The following ULBP2 variants were observed in gnomAD, a reference collection of about 807,000 sequenced individuals.
ULBP2 encodes UL16 binding protein 2, also known as UL16-binding protein 2.
Under a neutral mutation model 23.6 loss-of-function variants are expected in ULBP2, and 21 were observed. The ratio of observed to expected loss-of-function variants is 0.89; its 90% confidence interval spans 0.63 to 1.28. The LOEUF (loss-of-function observed/expected upper bound fraction) is 1.28. Among genes scored for constraint, ULBP2 ranks in the 50% most tolerant of loss-of-function variants. ULBP2 has a pLI of 0.00. For synonymous variants in ULBP2, 82 were observed against 112.8 expected (o/e 0.73, Z 1.73); for missense variants, 251 against 306.0 (o/e 0.82, Z 1.34).
intron 1 of ULBP2, among the ~76,000 whole-genome samples, chr6:149,943,078 C>T (rs2114681160): frequency 6.6e-6 from 1 of 152,210 alleles, no homozygotes; most frequent in Non-Finnish European, 1.5e-5. Context: ...GGAAGGATGC[C>T]CTGTGATCTT....
At chr6:149,942,221 G>C in intron 1 of ULBP2, 64 bp downstream of exon 1, 1 of 1,532,828 alleles carries the variant, frequency 6.5e-7, no homozygotes, top group South Asian at 1.2e-5. Context: ...GAACTGCCGC[G>C]GGTTTCAGAG....
At chr6:149,944,412 G>A (rs1316127961) in intron 1 of ULBP2, among the ~76,000 whole-genome samples, 1 of 148,752 alleles carries the variant, frequency 6.7e-6, no homozygotes, top group Non-Finnish European at 1.5e-5. Context: ...CACCCTCCTT[G>A]CTCCTGACAG....
rs1778942915 is a variant in ULBP2 at position 149,946,466 on chromosome 6, C to T, written c.444C>T (p.Phe148=). The change falls in exon 3 of 5, where the codon TTC becomes TTT. Residue 148 remains phenylalanine, a synonymous_variant. Transcript: ENST00000367351. ...SWQFSFDGQI[F]LLFDSEKRMW... ...AGTTCAGTTTCGATGGGCAGATCTT[C>T]CTCCTCTTTGACTCAGAGAAGAGAA... 1 of 1,614,168 alleles carries T rather than the reference C, an allele frequency of 6.2e-7. No individual in the cohort carries two copies.
At chr6:149,948,624 C>T (rs1482454401) in intron 4 of ULBP2, 99 bp from the exon 5 acceptor site, 1 of 455,532 alleles carries the variant, frequency 2.2e-6, no homozygotes, top group Non-Finnish European at 4.4e-6. Flanking sequence ...TCCCTTAGTG[C>T]AGGGGGCTCT....
Position 149,942,175 on chromosome 6 carries a change from G to A in ULBP2, c.85+18G>A. 3 of 1,610,994 alleles carry A rather than the reference G, an allele frequency of 1.9e-6. No homozygotes were observed. The highest frequency in any genetic ancestry group is 3.4e-5 in the Admixed American group (2 of 59,698). The stretch of plus-strand genomic sequence containing the variant: ...GCGAGCCGGTGAGTTCGTGGATGGA[G>A]CCTAAGCCGGGCGGGGACCAAGCCT... On this transcript the variant is annotated intron_variant, in intron 1 of 4. Transcript: ENST00000367351.
intron 1 of ULBP2, among the ~76,000 whole-genome samples, chr6:149,943,372 G>A (rs1778891973): frequency 6.6e-6 from 1 of 152,066 alleles, no homozygotes; most frequent in Non-Finnish European, 1.5e-5. Context: ...CATAGTTGGG[G>A]GCTTATTCTC....
At position 149,942,041 on chromosome 6, in the gene ULBP2, A is replaced by G. The variant is rs1012436744; in HGVS notation, c.-32A>G. Reference sequence around the variant, plus strand: ...TCATCTTCCAGGCTCTCCTTCCATCAAGTCTCTCATCCCTAGCGCTCTGGG... The same window carrying G: ...TCATCTTCCAGGCTCTCCTTCCATCGAGTCTCTCATCCCTAGCGCTCTGGG... On this transcript the variant is annotated 5_prime_UTR_variant, in exon 1 of 5. Coordinates refer to ENST00000367351, the MANE Select transcript of ULBP2 (RefSeq NM_025217.4). 2 of 1,604,866 alleles carry G rather than the reference A, an allele frequency of 1.2e-6. No individual in the cohort carries two copies. The highest frequency in any genetic ancestry group is 1.7e-6 in the Non-Finnish European group (2 of 1,175,346).
In ULBP2 at chr6:149,945,356, C is replaced by G. The variant is rs146890769; in HGVS notation, c.133C>G (p.Pro45Ala). 1 of 1,612,294 alleles carries G rather than the reference C, an allele frequency of 6.2e-7. No homozygotes were observed. The highest frequency in any genetic ancestry group is 2.2e-5 in the East Asian group (1 of 44,844). The change falls in exon 2 of 5, where the codon CCT becomes GCT. Residue 45 changes from proline to alanine, a missense_variant. By Grantham distance (27) the Pro-to-Ala change is conservative (BLOSUM62 -1). Around this residue, in one of 2 missense-constraint regions of ULBP2, gnomAD observed 248 missense variants for 258.9 expected, o/e 0.96. Transcript: ENST00000367351. ...CATCACCGTCATCCCTAAGTTCAGA[C>G]CTGGACCACGGTGGTGTGCGGTTCA... ...YDITVIPKFR[P>A]GPRWCAVQGQ...
chr6:149,942,593 C>A (rs568258048), intron 1 of ULBP2, among the ~76,000 whole-genome samples: 3 of 152,264 alleles, frequency 2.0e-5, no homozygotes, highest in South Asian at 2.1e-4. Flanking sequence ...ACCCGCTCTC[C>A]ACCACACAAA....
At chr6:149,945,111 C>T (rs1174608059) in intron 1 of ULBP2, among the ~76,000 whole-genome samples, 198 bp from the exon 2 acceptor site, 1 of 148,696 alleles carries the variant, frequency 6.7e-6, no homozygotes, top group East Asian at 2.1e-4. Context: ...ACAGAGACTT[C>T]CTCCTCCTCC....
chr6:149,942,260 G>A (rs1778874644), intron 1 of ULBP2, 103 bp downstream of exon 1: 1 of 1,266,726 alleles, frequency 7.9e-7, no homozygotes, highest in Non-Finnish European at 1.1e-6. Flanking sequence ...GGACGGGGGA[G>A]ATCTCCCCTA....
chr6:149,944,226 G>A (rs1353901023), intron 1 of ULBP2, among the ~76,000 whole-genome samples: 2 of 152,000 alleles, frequency 1.3e-5, no homozygotes, highest in Non-Finnish European at 2.9e-5. Context: ...GCTACTTTCA[G>A]CCTCCTGATT....
At chr6:149,946,158 G>A (rs1466671260) in intron 2 of ULBP2, among the ~76,000 whole-genome samples, 5 of 150,400 alleles carry the variant, frequency 3.3e-5, no homozygotes, top group African/African-American at 7.4e-5. Context: ...AGCCGAGATC[G>A]CGCCACTGCA....
intron 4 of ULBP2, among the ~76,000 whole-genome samples, chr6:149,948,213 C>A (rs1231041847): frequency 1.3e-5 from 2 of 151,990 alleles, no homozygotes; most frequent in Non-Finnish European, 2.9e-5. Context: ...TGCTGGGGTT[C>A]CACAGGCACC....
chr6:149,942,705 C>T (rs1778881940), intron 1 of ULBP2, among the ~76,000 whole-genome samples: 1 of 152,148 alleles, frequency 6.6e-6, no homozygotes, highest in African/African-American at 2.4e-5. Context: ...CGCCACCCCT[C>T]CCCTCACCAT....
intron 3 of ULBP2, 141 bp downstream of exon 3, chr6:149,946,794 G>A: frequency 7.0e-7 from 1 of 1,425,926 alleles, no homozygotes; most frequent in Non-Finnish European, 9.5e-7. Context: ...CTCCTCCTGG[G>A]GTTACTGGCA....
intron 4 of ULBP2, among the ~76,000 whole-genome samples, chr6:149,948,230 C>A (rs1778972990): frequency 6.6e-6 from 1 of 152,024 alleles, no homozygotes; most frequent in African/African-American, 2.4e-5. Context: ...CACCACTGGG[C>A]TGGACAAGGA....
Position 149,942,017 on chromosome 6 carries a change from C to G in ULBP2, c.-56C>G. 1 of 1,560,844 alleles carries G rather than the reference C, an allele frequency of 6.4e-7. No homozygotes were observed. Among genetic ancestry groups the G allele is most frequent in the East Asian group, 2.3e-5 (1 of 43,634 alleles). ...GAGGCTTTAAAACCTTGAGGTGATT[C>G]ATCTTCCAGGCTCTCCTTCCATCAA... is the stretch of plus-strand genomic sequence containing the variant. On this transcript the variant is annotated 5_prime_UTR_variant, in exon 1 of 5. Coordinates refer to ENST00000367351, the MANE Select transcript of ULBP2 (RefSeq NM_025217.4).
intron 3 of ULBP2, 105 bp downstream of exon 3, chr6:149,946,758 C>A: frequency 1.3e-6 from 2 of 1,550,396 alleles, no homozygotes; most frequent in South Asian, 1.3e-5. Flanking sequence ...TACACATTCA[C>A]GTTAAAATGA....
Sources: gnomAD v4.1 joint callset for allele counts (sites outside exome capture counted in the v4.1 genomes callset) on GRCh38, gnomAD v4.1.1 for gene constraint, gnomAD v4.1.1 regional missense constraint, MANE v1.5 for transcripts, NCBI Gene and HGNC (gene_info 2026-07-23, HGNC 2026-07-21) for gene names.